Variants in SIPA1L3 observed in about 807,000 individuals in gnomAD.
The protein encoded by SIPA1L3 is signal induced proliferation associated 1 like 3.
Under a neutral mutation model 150.1 loss-of-function variants are expected in SIPA1L3, and 59 were observed. The observed-to-expected ratio is 0.39, with a 90% CI of 0.32 to 0.49. The LOEUF is 0.49. Ranked by LOEUF, SIPA1L3 falls within the 20% of genes least tolerant of loss-of-function variation. SIPA1L3 has a pLI of 0.86. For synonymous variants in SIPA1L3, 1,070 were observed against 1,077.6 expected, an observed-to-expected ratio of 0.99 and a Z score of 0.14; for missense variants, 2,211 against 2,489.5, an observed-to-expected ratio of 0.89 and a Z score of 2.38.
chr19:38,184,545 C>T (rs1464727469), intron 16 of SIPA1L3: 1 of 152,324 alleles, frequency 6.6e-6, no homozygotes, highest in Non-Finnish European at 1.5e-5. Context: ...AGGAACACAG[C>T]CTGGATCAGA....
At chr19:38,114,905 G>C (rs891536053) in intron 8 of SIPA1L3, among the ~76,000 whole-genome samples, 1 of 152,190 alleles carries the variant, frequency 6.6e-6, no homozygotes, top group Non-Finnish European at 1.5e-5. Flanking sequence ...CTGTCCTCCC[G>C]TCCATTCTTC....
chr19:37,996,583 G>A (rs1384654379), intron 1 of SIPA1L3, among the ~76,000 whole-genome samples: 1 of 152,044 alleles, frequency 6.6e-6, no homozygotes, highest in Admixed American at 6.6e-5. Context: ...GTTAGTAATT[G>A]TTGCTACCAT....
chr19:37,984,487 T>G (rs896937710), intron 1 of SIPA1L3, among the ~76,000 whole-genome samples: 1 of 151,980 alleles, frequency 6.6e-6, no homozygotes, highest in Non-Finnish European at 1.5e-5. Context: ...ATCCCCCAGA[T>G]AGATTATTGT....
At chr19:37,949,817 G>A (rs949143909) in intron 1 of SIPA1L3, among the ~76,000 whole-genome samples, 3 of 152,004 alleles carry the variant, frequency 2.0e-5, no homozygotes, top group Non-Finnish European at 4.4e-5. Context: ...AGTGGCTCAC[G>A]CCTTTAATCC....
At chr19:38,035,969 T>C (rs543925078) in intron 2 of SIPA1L3, among the ~76,000 whole-genome samples, 48 of 152,206 alleles carry the variant, frequency 3.2e-4, no homozygotes, top group Non-Finnish European at 5.7e-4. Flanking sequence ...AGCAGGACTG[T>C]GTTCTGGGAG....
intron 2 of SIPA1L3, among the ~76,000 whole-genome samples, chr19:38,073,463 C>G (rs1969767680): frequency 6.6e-6 from 1 of 152,246 alleles, no homozygotes; most frequent in African/African-American, 2.4e-5. Context: ...AACTGACTGT[C>G]TCCCACTGCC....
In SIPA1L3 at chr19:38,076,081, A is replaced by G. The variant is rs370486691; in HGVS notation, c.-310-5175A>G. Reference sequence around the variant, plus strand: ...GCGTAACCTGGGAGGCGGAGATTGCAGTGAGCTGAGATCGCACCACTGCAC... The same window carrying G: ...GCGTAACCTGGGAGGCGGAGATTGCGGTGAGCTGAGATCGCACCACTGCAC... On this transcript the variant is annotated intron_variant, in intron 2 of 21. Transcript: ENST00000222345. Among the ~76,000 whole-genome samples the G allele has an allele frequency of 1.0e-3, 156 of 152,044 alleles. 2 individuals are homozygous for G. In the South Asian group the frequency reaches 0.031, roughly 30 times the overall value.
At chr19:38,089,328 CAAAAA>C (rs55806031) in intron 4 of SIPA1L3, among the ~76,000 whole-genome samples, 5 of 64,286 alleles carry the variant, frequency 7.8e-5, no homozygotes, top group Admixed American at 7.0e-4. Context: ...GACTGTGTCT[CAAAAA>C]AAAAAAAAAA....
At chr19:38,040,027 C>G (rs559601225) in intron 2 of SIPA1L3, among the ~76,000 whole-genome samples, 1 of 152,016 alleles carries the variant, frequency 6.6e-6, no homozygotes, top group Admixed American at 6.6e-5. Context: ...GTGGGAGGAT[C>G]GCTTGAGCCT....
intron 16 of SIPA1L3, among the ~76,000 whole-genome samples, chr19:38,189,137 T>TC (rs1274379759): frequency 6.6e-6 from 1 of 150,726 alleles, no homozygotes; most frequent in Non-Finnish European, 1.5e-5. Context: ...GCTCTTCAAG[T>TC]CTTTTTTTTT....
At chr19:38,162,139 TA>T in intron 13 of SIPA1L3, 113 bp from the exon 14 acceptor site, 1 of 771,056 alleles carries the variant, frequency 1.3e-6, no homozygotes, top group Non-Finnish European at 2.3e-6. Context: ...CTCCAAGGTG[TA>T]AATTGATGGG....
At chr19:37,944,668 T>C (rs1286286484) in intron 1 of SIPA1L3, among the ~76,000 whole-genome samples, 1 of 152,164 alleles carries the variant, frequency 6.6e-6, no homozygotes, top group African/African-American at 2.4e-5. Flanking sequence ...GAAATTACCC[T>C]TAAGTCAAAA....
At chr19:37,925,233 G>A (rs758451863) in intron 1 of SIPA1L3, among the ~76,000 whole-genome samples, 16 of 152,288 alleles carry the variant, frequency 1.1e-4, no homozygotes, top group Middle Eastern at 6.8e-3. Flanking sequence ...CTCCATGGTC[G>A]TCTTGTGGGA....
intron 15 of SIPA1L3, among the ~76,000 whole-genome samples, chr19:38,171,453 C>T (rs1299614820): frequency 7.2e-6 from 1 of 138,114 alleles, no homozygotes; most frequent in Non-Finnish European, 1.5e-5. Context: ...AGTGCAATGG[C>T]ACAGTCTCAG....
At chr19:37,936,730 G>A (rs113185449) in intron 1 of SIPA1L3, among the ~76,000 whole-genome samples, 1 of 152,210 alleles carries the variant, frequency 6.6e-6, no homozygotes, top group African/African-American at 2.4e-5. Context: ...TTGAGATGCA[G>A]TCTCTCCTGG....
intron 9 of SIPA1L3, among the ~76,000 whole-genome samples, chr19:38,128,358 C>T (rs1971226311): frequency 6.6e-6 from 1 of 152,036 alleles, no homozygotes; most frequent in African/African-American, 2.4e-5. Context: ...CACACGTTTC[C>T]CCCACTTTCC....
At position 37,974,514 on chromosome 19, in the gene SIPA1L3, A is replaced by G. The variant is rs1298282121; in HGVS notation, c.-378-54575A>G. On this transcript the variant is annotated intron_variant, in intron 1 of 21. Transcript: ENST00000222345. ...CTGAACAAGAGTGAGACCGTGTCTC[A>G]AAAAAAAAAAAAAAAGTATTGATTC... Among the ~76,000 whole-genome samples the G allele has an allele frequency of 5.1e-5, 4 of 78,054 alleles. No homozygotes were observed. In the East Asian group the frequency reaches 5.3e-3, roughly 104 times the overall value. The allele number at this position is 78,054 out of a possible 152,430, so 51.2% of individuals were successfully genotyped here. A position where few individuals can be genotyped will look rare whatever the true frequency, so the allele number is the denominator to read the frequency against.
At chr19:38,190,610 C>T (rs2146040903) in intron 16 of SIPA1L3, among the ~76,000 whole-genome samples, 1 of 152,310 alleles carries the variant, frequency 6.6e-6, no homozygotes, top group South Asian at 2.1e-4. Flanking sequence ...CTTATTTCTT[C>T]CCCAGGTTCA....
intron 1 of SIPA1L3, among the ~76,000 whole-genome samples, chr19:37,951,481 A>ATTACAGATTATTTTCATCTTCCTCT (rs1189770389): frequency 2.0e-5 from 3 of 152,158 alleles, no homozygotes; most frequent in Non-Finnish European, 2.9e-5. Flanking sequence ...TGGTAGGATG[A>ATTACAGATTATTTTCATCTTCCTCT]TTACAGATTA....
Sources: allele counts gnomAD v4.1 joint callset (sites outside exome capture counted in the v4.1 genomes callset), GRCh38; gene constraint gnomAD v4.1.1; transcripts MANE v1.5; gene names NCBI Gene and HGNC (gene_info 2026-07-23, HGNC 2026-07-21).